COL4A4: variants seen among roughly 807,000 people sequenced by gnomAD.
The protein encoded by COL4A4 is collagen type IV alpha 4 chain.
In COL4A4, 105 loss-of-function variants were observed where a neutral mutation model predicts 192.9. The observed-to-expected ratio is 0.54, with a 90% CI of 0.46 to 0.64. The LOEUF (loss-of-function observed/expected upper bound fraction) is 0.64, where lower values mean the gene tolerates loss of function less well. Ranked by LOEUF, COL4A4 falls within the 30% of genes least tolerant of loss-of-function variation. COL4A4 has a pLI of 0.00. For missense variants in COL4A4, 1,967 were observed against 2,169.3 expected, an observed-to-expected ratio of 0.91 and a Z score of 1.85; for synonymous variants, 762 against 769.9, an observed-to-expected ratio of 0.99 and a Z score of 0.17.
chr2:227,125,756 C>A (rs1300617651), intron 4 of COL4A4, among the ~76,000 whole-genome samples: 1 of 152,098 alleles, frequency 6.6e-6, no homozygotes, highest in East Asian at 1.9e-4. Flanking sequence ...TGGAAAGATT[C>A]CCCTGATCTC....
chr2:226,975,623 G>A, the COL4A4 span, among the ~76,000 whole-genome samples: 1,656 of 152,194 alleles, frequency 0.011, 26 homozygotes, highest in Middle Eastern at 0.044. Flanking sequence ...TAAAGATGGC[G>A]TCAAACTATT....
intron 4 of COL4A4, among the ~76,000 whole-genome samples, chr2:227,127,815 T>C (rs186014026): frequency 1.3e-5 from 2 of 152,330 alleles, no homozygotes; most frequent in East Asian, 3.9e-4. Context: ...TTCCTGCTCT[T>C]TCTTAGCCAG....
chr2:227,164,407 G>A (rs934791565), upstream of COL4A4: 6 of 483,568 alleles, frequency 1.2e-5, no homozygotes, highest in African/African-American at 6.3e-5. This position sits in a 1 kb window ranked among gnomAD's most constrained non-coding sequence, Gnocchi z 4.8. Flanking sequence ...CTGGATCCGC[G>A]CCCACCTGCC....
the COL4A4 span, among the ~76,000 whole-genome samples, chr2:226,977,486 C>T: frequency 3.3e-5 from 5 of 152,072 alleles, no homozygotes; most frequent in African/African-American, 1.2e-4. Flanking sequence ...GTTGGAAAGG[C>T]GAGCAAAGTT....
chr2:227,060,327 G>A (rs1294323598), intron 26 of COL4A4, 84 bp from the exon 27 acceptor site: 2 of 942,430 alleles, frequency 2.1e-6, no homozygotes, highest in African/African-American at 1.6e-5. Flanking sequence ...TTAAGTCTAT[G>A]TTAAGTCCTT....
chr2:227,035,692 G>A (rs775104753), intron 37 of COL4A4, among the ~76,000 whole-genome samples: 21 of 152,098 alleles, frequency 1.4e-4, no homozygotes, highest in Non-Finnish European at 2.5e-4. Context: ...TTCTTTATCT[G>A]CCAAATCTGG....
At chr2:227,131,142 T>C (rs2062432967) in intron 4 of COL4A4, among the ~76,000 whole-genome samples, 1 of 130,980 alleles carries the variant, frequency 7.6e-6, no homozygotes, top group Non-Finnish European at 1.7e-5. Context: ...TCTGTCTGCT[T>C]TTTTTTTTTT....
chr2:227,093,206 T>A (rs1187983544), intron 20 of COL4A4, among the ~76,000 whole-genome samples: 1 of 152,084 alleles, frequency 6.6e-6, no homozygotes, highest in Non-Finnish European at 1.5e-5. Flanking sequence ...AAGCTAACTT[T>A]GAAAGAATTT....
At chr2:227,155,626 G>T (rs902384769) in intron 1 of COL4A4, among the ~76,000 whole-genome samples, 1 of 152,108 alleles carries the variant, frequency 6.6e-6, no homozygotes, top group East Asian at 1.9e-4. Context: ...TGCCTTGGGC[G>T]TGAACTCCAG....
chr2:227,144,446 G>C (rs1483288768), intron 3 of COL4A4, 70 bp downstream of exon 3: 1 of 1,351,652 alleles, frequency 7.4e-7, no homozygotes, highest in South Asian at 1.2e-5. Context: ...TTCTTTGAAA[G>C]TATAACAAAA....
At chr2:226,998,250 T>C (rs1959974638), downstream of COL4A4, 1 of 152,198 alleles carries the variant, frequency 6.6e-6, no homozygotes, top group African/African-American at 2.4e-5. Context: ...TGTTCAGACC[T>C]CCTCCATCCT....
At position 227,061,699 on chromosome 2, in the gene COL4A4, T is replaced by G. The variant is rs185892523; in HGVS notation, c.2056+831A>C. Among the ~76,000 whole-genome samples the G allele has an allele frequency of 2.2e-3, 339 of 152,274 alleles. 2 individuals are homozygous for G. Among genetic ancestry groups the G allele is most frequent in the African/African-American group, 7.5e-3 (312 of 41,562 alleles). On this transcript the variant is annotated intron_variant, in intron 26 of 47. Coordinates refer to ENST00000396625, the MANE Select transcript of COL4A4 (RefSeq NM_000092.5). ...TACTAGTAATGAACGGGTAGGGAACTCTAAAGAAACAAAGAAGAGTTAGGC... is the reference window on the plus strand; with the variant it reads ...TACTAGTAATGAACGGGTAGGGAACGCTAAAGAAACAAAGAAGAGTTAGGC...
At chr2:227,135,736 G>A (rs2062770339) in intron 4 of COL4A4, among the ~76,000 whole-genome samples, 1 of 152,048 alleles carries the variant, frequency 6.6e-6, no homozygotes, top group Non-Finnish European at 1.5e-5. Flanking sequence ...TCCGCCTCAT[G>A]GGTTCAAGCA....
At chr2:227,014,798 C>A (rs1461587621) in intron 44 of COL4A4, among the ~76,000 whole-genome samples, 1 of 152,136 alleles carries the variant, frequency 6.6e-6, no homozygotes, top group East Asian at 1.9e-4. Flanking sequence ...GCAGCCTCCA[C>A]CTCCCAGTTC....
At position 227,090,235 on chromosome 2, in the gene COL4A4, G is replaced by A. The variant is rs573861769; in HGVS notation, c.1370-278C>T. ...CTTAAATTAATGGGTTGCAAAACAA[G>A]ATAATGGACAACAAAACAAAACAAA... On this transcript the variant is annotated intron_variant, in intron 20 of 47. Coordinates refer to ENST00000396625, the MANE Select transcript of COL4A4 (RefSeq NM_000092.5). Among the ~76,000 whole-genome samples, 7 of 152,088 alleles carry A rather than the reference G, an allele frequency of 4.6e-5. No homozygotes were observed. The South Asian group carries it at 8.3e-4, about 18-fold the overall frequency.
intron 1 of COL4A4, among the ~76,000 whole-genome samples, chr2:227,161,986 C>T (rs958233316): frequency 6.6e-6 from 1 of 151,814 alleles, no homozygotes; most frequent in Non-Finnish European, 1.5e-5. Flanking sequence ...TGTGAAGATT[C>T]TGCACAAAGG....
chr2:227,066,426 A>C (rs1204612175), intron 25 of COL4A4, among the ~76,000 whole-genome samples: 3 of 151,964 alleles, frequency 2.0e-5, no homozygotes, highest in Non-Finnish European at 2.9e-5. Flanking sequence ...AGATTCACCA[A>C]AGTTGAAATG....
In COL4A4 at chr2:227,018,539, A is replaced by G. The variant is rs113475215; in HGVS notation, c.4216+3509T>C. On this transcript the variant is annotated intron_variant, in intron 44 of 47. Transcript: ENST00000396625. ...GGAACCCAGAGGCTCCTATCAGAGA[A>G]GAGGGGCCCCAGAAGAAAGCAAGGG... 8.9e-3 allele frequency among the ~76,000 whole-genome samples: 1,361 copies of G among 152,320 alleles called. 27 individuals are homozygous for G. Among genetic ancestry groups the G allele is most frequent in the African/African-American group, 0.031 (1,282 of 41,582 alleles).
intron 43 of COL4A4, among the ~76,000 whole-genome samples, chr2:227,023,279 TAA>T (rs797020507): frequency 1.4e-4 from 19 of 137,236 alleles, no homozygotes; most frequent in African/African-American, 3.4e-4. Context: ...CATCTCTACT[TAA>T]AAAAAAAAAA....
Sources: allele counts gnomAD v4.1 joint callset (sites outside exome capture counted in the v4.1 genomes callset), GRCh38; gene constraint gnomAD v4.1.1; non-coding constraint Gnocchi (gnomAD v3.1); transcripts MANE v1.5; gene names NCBI Gene and HGNC (gene_info 2026-07-23, HGNC 2026-07-21).